Variants in ASCC2 observed in about 807,000 individuals in gnomAD.
The protein encoded by ASCC2 is activating signal cointegrator 1 complex subunit 2.
In ASCC2, 42 loss-of-function variants were observed where a neutral mutation model predicts 93.5. The ratio of observed to expected loss-of-function variants is 0.45; its 90% CI spans 0.35 to 0.58. ASCC2 has a LOEUF of 0.58. Ranked by LOEUF, ASCC2 falls within the 20% of genes least tolerant of loss-of-function variation. The pLI, the probability that ASCC2 is intolerant of heterozygous loss-of-function variation, is 0.00. For synonymous variants in ASCC2, 364 were observed against 384.2 expected (o/e 0.95, Z 0.62); for missense variants, 859 against 977.6 (o/e 0.88, Z 1.62).
chr22:29,815,011 T>C (rs2147985697), intron 6 of ASCC2, among the ~76,000 whole-genome samples: 1 of 152,238 alleles, frequency 6.6e-6, no homozygotes, highest in African/African-American at 2.4e-5. Context: ...AAAGACAACC[T>C]GGGGCCAGGT....
chr22:29,807,802 G>A (rs571814146), intron 9 of ASCC2, among the ~76,000 whole-genome samples: 120 of 152,098 alleles, frequency 7.9e-4, no homozygotes, highest in Admixed American at 2.1e-3. Flanking sequence ...CCAGCTACTC[G>A]GGAGACTGAA....
intron 12 of ASCC2, 28 bp downstream of exon 12, chr22:29,806,188 G>T (rs1204327228): frequency 1.2e-6 from 2 of 1,610,206 alleles, no homozygotes; most frequent in Admixed American, 3.3e-5. Flanking sequence ...GCTGGGCCCT[G>T]TCGTAGTGGG....
At position 29,806,271 on chromosome 22, in the gene ASCC2, C is replaced by T; in HGVS notation, c.1105G>A (p.Ala369Thr). 1.2e-6 allele frequency: 2 copies of T among 1,614,114 alleles called. No individual in the cohort carries two copies. The highest frequency in any genetic ancestry group is 8.5e-7 in the Non-Finnish European group (1 of 1,180,014). ...QEKRFLRDYD[A>T]LFPVAEDISL... ...ATGTCTTCGGCCACGGGGAAGAGTG[C>T]ATCATAGTCCCGGAGGAACCTGCAG... is the stretch of plus-strand genomic sequence containing the variant. The change falls in exon 12 of 20, where the codon GCA becomes ACA. Residue 369 changes from alanine to threonine, a missense_variant. By Grantham distance (58) the Ala-to-Thr change is moderately conservative (BLOSUM62 0). Coordinates refer to ENST00000307790, the MANE Select transcript of ASCC2 (RefSeq NM_032204.5).
rs370623853 is a variant in ASCC2, at chr22:29,788,983, G to A, written c.*30C>T. 7.2e-5 allele frequency: 116 copies of A among 1,613,168 alleles called. No individual in the cohort carries two copies. Among genetic ancestry groups the A allele is most frequent in the Admixed American group, 3.3e-4 (20 of 59,972 alleles). ...AGCACGGCCTGGTGAGTCTGGTGCC[G>A]CTGCCTCCCCACTGGCCCTGCACCA... is the stretch of plus-strand genomic sequence containing the variant. On this transcript the variant is annotated 3_prime_UTR_variant, in exon 20 of 20. Transcript: ENST00000307790.
Position 29,813,422 on chromosome 22 carries a change from C to T in ASCC2, c.833+8G>A, listed in dbSNP as rs779882369. 2 of 1,574,734 alleles carry T rather than the reference C, an allele frequency of 1.3e-6. No individual in the cohort carries two copies. Among genetic ancestry groups the T allele is most frequent in the African/African-American group, 1.3e-5 (1 of 74,156 alleles). On this transcript the variant is annotated splice_region_variant and intron_variant, in intron 8 of 19. Coordinates refer to ENST00000307790, the MANE Select transcript of ASCC2 (RefSeq NM_032204.5). ...TCTCTATTTCAACAGCCAGAACTAC[C>T]GCCTTACCTGTAACAAAAGTCGTGC...
At chr22:29,814,820 C>G (rs1230811452) in intron 6 of ASCC2, 53 bp from the exon 7 acceptor site, 3 of 1,441,588 alleles carry the variant, frequency 2.1e-6, no homozygotes, top group African/African-American at 1.4e-5. Context: ...AGGGCTAGGA[C>G]CCCTGGCAGC....
intron 13 of ASCC2, 62 bp from the exon 14 acceptor site, chr22:29,802,270 C>G: frequency 6.6e-7 from 1 of 1,521,014 alleles, no homozygotes; most frequent in South Asian, 1.1e-5. Context: ...GGGCCACAGG[C>G]CCCAGACAGC....
Position 29,825,663 on chromosome 22 carries a change from C to T in ASCC2, c.199G>A (p.Asp67Asn), listed in dbSNP as rs982302701. The T allele has an allele frequency of 4.3e-6, 7 of 1,614,100 alleles. No individual in the cohort carries two copies. The African/African-American group carries it at 5.3e-5, about 12-fold the overall frequency. ...ERATFVANDL[D>N]WLLALPHDKF... ...TCGTGAGGCAAGGCCAGGAGCCAGT[C>T]GAGGTCATTGGCTACGAAGGTGGCG... The change falls in exon 3 of 20, where the codon GAC (aspartate) becomes AAC (asparagine). Residue 67 changes from aspartate (D) to asparagine (N), a missense_variant. By Grantham distance (23) the Asp-to-Asn change is conservative (BLOSUM62 1). Transcript: ENST00000307790. This position sits in a 1 kb window ranked among gnomAD's most constrained non-coding sequence, Gnocchi z 4.9.
intron 8 of ASCC2, among the ~76,000 whole-genome samples, chr22:29,808,654 C>G (rs1222912137): frequency 1.3e-5 from 2 of 151,798 alleles, no homozygotes; most frequent in African/African-American, 2.4e-5. Flanking sequence ...GAAACTCCAT[C>G]TCTACAAAAA....
At position 29,830,615 on chromosome 22, in the gene ASCC2, G is replaced by A. The variant is rs920008062; in HGVS notation, c.81+1630C>T. On this transcript the variant is annotated intron_variant, in intron 2 of 19. Coordinates refer to ENST00000307790, the MANE Select transcript of ASCC2 (RefSeq NM_032204.5). ...CCTACACACCCCACTGGTCTGGATC[G>A]GCGGCCCCGGCTCTGCACTCATGGA... 3.9e-5 allele frequency among the ~76,000 whole-genome samples: 6 copies of A among 152,146 alleles called. No homozygotes were observed. The South Asian group carries it at 6.2e-4, about 16-fold the overall frequency.
chr22:29,833,096 G>T (rs1209309465), intron 1 of ASCC2, among the ~76,000 whole-genome samples: 1 of 152,088 alleles, frequency 6.6e-6, no homozygotes, highest in Admixed American at 6.6e-5. Context: ...CCCACTTTGA[G>T]AAGTACTGGC....
intron 5 of ASCC2, among the ~76,000 whole-genome samples, chr22:29,817,305 T>C (rs1335225240): frequency 6.6e-6 from 1 of 152,102 alleles, no homozygotes; most frequent in Non-Finnish European, 1.5e-5. Flanking sequence ...CACCAAACTC[T>C]GTTCTTCCTA....
chr22:29,790,913 C>T (rs960042362), intron 18 of ASCC2, among the ~76,000 whole-genome samples: 1 of 152,116 alleles, frequency 6.6e-6, no homozygotes, highest in Non-Finnish European at 1.5e-5. Flanking sequence ...CGGGAGCCAC[C>T]GTGGGAGCTA....
intron 4 of ASCC2, among the ~76,000 whole-genome samples, chr22:29,824,084 G>C (rs1054464514): frequency 3.3e-5 from 5 of 152,052 alleles, no homozygotes; most frequent in African/African-American, 1.2e-4. Flanking sequence ...AGCTACTTTG[G>C]AGGCTGAGGC....
chr22:29,808,803 C>T (rs1380361998), intron 8 of ASCC2, among the ~76,000 whole-genome samples: 1 of 140,872 alleles, frequency 7.1e-6, no homozygotes, highest in Non-Finnish European at 1.5e-5. Flanking sequence ...CAGTGAGACC[C>T]TATCTCAAAA....
chr22:29,818,424 A>T (rs1430963184), intron 5 of ASCC2, among the ~76,000 whole-genome samples: 3 of 37,940 alleles, frequency 7.9e-5, no homozygotes, highest in East Asian at 1.4e-3. Flanking sequence ...ACACACACAC[A>T]CACACACACA....
intron 5 of ASCC2, among the ~76,000 whole-genome samples, chr22:29,817,580 C>G (rs1381286271): frequency 6.6e-6 from 1 of 152,154 alleles, no homozygotes; most frequent in Admixed American, 6.5e-5. Context: ...TCTCCTCTTA[C>G]AACCCCCAGG....
intron 13 of ASCC2, among the ~76,000 whole-genome samples, chr22:29,803,258 AAAAAC>A (rs2059310628): frequency 6.6e-6 from 1 of 151,060 alleles, no homozygotes. Flanking sequence ...TCTCCAAAAA[AAAAAC>A]AAAAAACAAA....
chr22:29,825,700 C>G lies in ASCC2; in HGVS notation c.162G>C (p.Glu54Asp). Reference sequence around the variant, plus strand: ...CTACGAAGGTGGCGCGTTCCAGGTACTCCTCCACTAGGGCGGGAATGTTGT... The same window carrying G: ...CTACGAAGGTGGCGCGTTCCAGGTAGTCCTCCACTAGGGCGGGAATGTTGT... The part of the protein sequence containing the change: ...PKDNIPALVE[E>D]YLERATFVAN... Residue 54 changes from glutamate (E) to aspartate (D), a missense_variant, in exon 3 of 20, where the codon GAG becomes GAC. Coordinates refer to ENST00000307790, the MANE Select transcript of ASCC2 (RefSeq NM_032204.5). The surrounding 1 kb of genome is among the most constrained non-coding windows in gnomAD (Gnocchi z 4.9). The G allele has an allele frequency of 6.2e-7, 1 of 1,614,246 alleles. No homozygotes were observed. Among genetic ancestry groups the G allele is most frequent in the Non-Finnish European group, 8.5e-7 (1 of 1,180,042 alleles).
Sources: gnomAD v4.1 joint callset for allele counts (sites outside exome capture counted in the v4.1 genomes callset) on GRCh38, gnomAD v4.1.1 for gene constraint, Gnocchi (gnomAD v3.1) non-coding constraint, MANE v1.5 for transcripts, NCBI Gene and HGNC (gene_info 2026-07-23, HGNC 2026-07-21) for gene names.